CSMD3: variants seen among roughly 807,000 people sequenced by gnomAD.
The protein encoded by CSMD3 is CUB and Sushi multiple domains 3.
CSMD3 carries 177 observed loss-of-function variants against 435.2 expected under a neutral mutation model. That is an observed-to-expected ratio of 0.41 (90% CI 0.36 to 0.46). The LOEUF is 0.46. Among genes scored for constraint, CSMD3 ranks in the 20% least tolerant of loss-of-function variants. The pLI is 0.34. For synonymous variants in CSMD3, 1,656 were observed against 1,520.5 expected, an observed-to-expected ratio of 1.09 and a Z score of -2.07; for missense variants, 4,265 against 4,504.6, an observed-to-expected ratio of 0.95 and a Z score of 1.52.
chr8:112,545,133 T>C (rs1487496907), intron 27 of CSMD3, among the ~76,000 whole-genome samples: 1 of 152,104 alleles, frequency 6.6e-6, no homozygotes, highest in Non-Finnish European at 1.5e-5. Flanking sequence ...CAAACCACAA[T>C]ACATGCTGTA....
intron 10 of CSMD3, among the ~76,000 whole-genome samples, chr8:112,913,652 C>A (rs1364676456): frequency 6.6e-6 from 1 of 151,586 alleles, no homozygotes; most frequent in East Asian, 2.0e-4. Flanking sequence ...TTCACTCACC[C>A]CTCTCCCTCT....
intron 32 of CSMD3, among the ~76,000 whole-genome samples, chr8:112,433,305 T>A (rs1003310307): frequency 2.6e-5 from 4 of 151,810 alleles, no homozygotes; most frequent in African/African-American, 9.7e-5. Flanking sequence ...GGACAGAATA[T>A]CTGTTCTTGT....
intron 50 of CSMD3, among the ~76,000 whole-genome samples, chr8:112,306,711 T>C (rs1217514794): frequency 6.6e-6 from 1 of 152,158 alleles, no homozygotes; most frequent in Admixed American, 6.6e-5. Flanking sequence ...ATGTATGAGC[T>C]GGGGCACCAT....
At chr8:113,384,019 A>G (rs1425907656) in intron 1 of CSMD3, among the ~76,000 whole-genome samples, 1 of 152,178 alleles carries the variant, frequency 6.6e-6, no homozygotes, top group African/African-American at 2.4e-5. Flanking sequence ...TTAGAAAACA[A>G]CCTGGAATAC....
At chr8:112,382,972 C>T (rs1018265116) in intron 37 of CSMD3, among the ~76,000 whole-genome samples, 6 of 152,146 alleles carry the variant, frequency 3.9e-5, no homozygotes, top group African/African-American at 1.4e-4. Flanking sequence ...GCCTGGGAGA[C>T]AGAGCGAGAC....
chr8:113,417,878 G>A (rs180767109), intron 1 of CSMD3, among the ~76,000 whole-genome samples: 2 of 152,004 alleles, frequency 1.3e-5, no homozygotes, highest in East Asian at 3.9e-4. Context: ...AGAACTCAAT[G>A]TATTATAAGA....
intron 27 of CSMD3, among the ~76,000 whole-genome samples, chr8:112,526,735 A>G (rs1039508520): frequency 2.6e-5 from 4 of 151,974 alleles, no homozygotes; most frequent in African/African-American, 9.7e-5. Context: ...TTTAAAAGAT[A>G]ATTTTTTTGC....
chr8:112,696,098 T>G (rs575674990), intron 13 of CSMD3, among the ~76,000 whole-genome samples: 1 of 152,304 alleles, frequency 6.6e-6, no homozygotes, highest in African/African-American at 2.4e-5. Flanking sequence ...TGGAAGAACA[T>G]TCCATGCTCA....
intron 28 of CSMD3, among the ~76,000 whole-genome samples, chr8:112,508,820 G>C (rs1267642856): frequency 6.6e-6 from 1 of 151,818 alleles, no homozygotes; most frequent in Non-Finnish European, 1.5e-5. Flanking sequence ...GCATAACTAA[G>C]CTTTTTGAAG....
chr8:112,680,534 T>G (rs1328499901), intron 16 of CSMD3, among the ~76,000 whole-genome samples: 1 of 152,210 alleles, frequency 6.6e-6, no homozygotes, highest in East Asian at 1.9e-4. Flanking sequence ...TTTAGTCCAT[T>G]ATTGTGTAAC....
intron 45 of CSMD3, among the ~76,000 whole-genome samples, chr8:112,331,076 C>A (rs1441358065): frequency 2.0e-5 from 3 of 151,918 alleles, no homozygotes. Flanking sequence ...AGCAATAATA[C>A]ATGGAAAGCA....
At chr8:113,077,950 A>G (rs1463141892) in intron 5 of CSMD3, among the ~76,000 whole-genome samples, 1 of 152,210 alleles carries the variant, frequency 6.6e-6, no homozygotes, top group Non-Finnish European at 1.5e-5. Flanking sequence ...ATCAAATTAA[A>G]TTTTAGAAAT....
At chr8:112,252,111 G>C (rs1815321168) in intron 63 of CSMD3, among the ~76,000 whole-genome samples, 1 of 151,764 alleles carries the variant, frequency 6.6e-6, no homozygotes, top group African/African-American at 2.4e-5. Context: ...AATGATCTGA[G>C]TGCCTCTGTA....
intron 2 of CSMD3, among the ~76,000 whole-genome samples, chr8:113,308,720 G>C (rs1254897823): frequency 6.6e-6 from 1 of 151,870 alleles, no homozygotes; most frequent in Non-Finnish European, 1.5e-5. Context: ...TACTTCCTTT[G>C]TCTTTTATTT....
intron 14 of CSMD3, among the ~76,000 whole-genome samples, chr8:112,686,486 A>T (rs1400848342): frequency 7.1e-6 from 1 of 141,522 alleles, no homozygotes; most frequent in Non-Finnish European, 1.5e-5. Flanking sequence ...TTTTCATTAC[A>T]TTTTTTTTTT....
chr8:112,471,836 T>C (rs1202655378), intron 32 of CSMD3, among the ~76,000 whole-genome samples: 1 of 152,148 alleles, frequency 6.6e-6, no homozygotes, highest in Non-Finnish European at 1.5e-5. Flanking sequence ...TAAATCTAAA[T>C]TTTAGAAGTC....
intron 3 of CSMD3, among the ~76,000 whole-genome samples, chr8:113,194,010 A>G (rs1206504844): frequency 6.6e-6 from 1 of 151,424 alleles, no homozygotes; most frequent in Non-Finnish European, 1.5e-5. Context: ...TGAATATTGT[A>G]GAATTGAAGG....
rs570879754 is a variant in CSMD3, at chr8:113,403,431, A to T, written c.178+33246T>A. 1.1e-4 allele frequency among the ~76,000 whole-genome samples: 16 copies of T among 151,512 alleles called. No homozygotes were observed. The South Asian group carries it at 3.3e-3, about 31-fold the overall frequency. ...ACCTCTAGTCTAAGAAATATATTTC[A>T]ACTAAATTGTTGTTAAAATGCAGAA... is the stretch of plus-strand genomic sequence containing the variant. On this transcript the variant is annotated intron_variant, in intron 1 of 70. Transcript: ENST00000297405.
At chr8:112,772,628 G>A (rs1333172463) in intron 13 of CSMD3, among the ~76,000 whole-genome samples, 1 of 151,992 alleles carries the variant, frequency 6.6e-6, no homozygotes, top group African/African-American at 2.4e-5. Flanking sequence ...AGTAAAAGAG[G>A]AAGGAACGCC....
Sources: gnomAD v4.1 joint callset for allele counts (sites outside exome capture counted in the v4.1 genomes callset) on GRCh38, gnomAD v4.1.1 for gene constraint, MANE v1.5 for transcripts, NCBI Gene and HGNC (gene_info 2026-07-23, HGNC 2026-07-21) for gene names.